The following AP3D1 variants were observed in gnomAD, a reference collection of about 807,000 sequenced individuals.
AP3D1 encodes the protein AP-3 complex subunit delta-1.
In AP3D1, 51 loss-of-function variants were observed where a neutral mutation model predicts 147.6. That is an observed-to-expected ratio of 0.35 (90% confidence interval 0.28 to 0.44). AP3D1 has a LOEUF of 0.44. Among genes scored for constraint, AP3D1 ranks in the 20% least tolerant of loss-of-function variants. AP3D1 has a pLI of 1.00. For synonymous variants in AP3D1, 760 were observed against 663.0 expected (o/e 1.15, Z -2.25); for missense variants, 1,421 against 1,624.2 (o/e 0.87, Z 2.15).
chr19:2,132,405 T>A, intron 5 of AP3D1, 66 bp downstream of exon 5: 2 of 1,446,698 alleles, frequency 1.4e-6, no homozygotes, highest in South Asian at 1.2e-5. Flanking sequence ...TTCCCAGGCA[T>A]GCCACTTTGA....
At chr19:2,109,289 C>T in intron 29 of AP3D1, 82 bp from the exon 30 acceptor site, 1 of 1,488,056 alleles carries the variant, frequency 6.7e-7, no homozygotes. Context: ...AAACCTGCCA[C>T]ACACGCTGCG....
At chr19:2,121,673 CACTT>C in intron 12 of AP3D1, 57 bp downstream of exon 12, 1 of 1,520,800 alleles carries the variant, frequency 6.6e-7, no homozygotes, top group Non-Finnish European at 8.8e-7. Context: ...CTGCACCTGA[CACTT>C]AATGTCCCTT....
At chr19:2,150,108 T>G (rs2019466088) in intron 1 of AP3D1, among the ~76,000 whole-genome samples, 1 of 152,074 alleles carries the variant, frequency 6.6e-6, no homozygotes, top group African/African-American at 2.4e-5. Context: ...CGGCAAGAGC[T>G]CGGGTTCCCA....
intron 1 of AP3D1, among the ~76,000 whole-genome samples, chr19:2,144,848 A>G (rs2019315512): frequency 1.3e-5 from 2 of 152,120 alleles, no homozygotes; most frequent in African/African-American, 2.4e-5. Flanking sequence ...GGCTGCAGTG[A>G]GCCAAGATCG....
At chr19:2,149,896 C>T (rs143948031) in intron 1 of AP3D1, among the ~76,000 whole-genome samples, 125 of 152,320 alleles carry the variant, frequency 8.2e-4, no homozygotes, top group African/African-American at 2.8e-3. Flanking sequence ...GGCCCATCAG[C>T]GATGCTTTCA....
At position 2,113,135 on chromosome 19, in the gene AP3D1, G is replaced by A; in HGVS notation, c.2680-168C>T. 4.8e-6 allele frequency: 3 copies of A among 630,120 alleles called. No individual in the cohort carries two copies. In the East Asian group the frequency reaches 8.6e-5, roughly 18 times the overall value. The allele number at this position is 630,120 out of a possible 1,614,324, so 39.0% of individuals were successfully genotyped here. ...GCCTGTGAGCACAGAGGCCCTGGCTGTCCTCCCCTTCCCCTGGCCCCTGCT... is the reference window on the plus strand; with the variant it reads ...GCCTGTGAGCACAGAGGCCCTGGCTATCCTCCCCTTCCCCTGGCCCCTGCT... On this transcript the variant is annotated intron_variant, in intron 23 of 31. Transcript: ENST00000643116.
chr19:2,131,741 TCGGCCACGATCTAGACACCTCC>T (rs1421352725), intron 5 of AP3D1, among the ~76,000 whole-genome samples: 7 of 108,712 alleles, frequency 6.4e-5, no homozygotes, highest in African/African-American at 2.9e-4. Context: ...ACCGCGCCCA[TCGGCCACGATCTAGACACCTCC>T]GGGCGGACAG....
At chr19:2,123,148 G>T (rs1472447642) in intron 11 of AP3D1, among the ~76,000 whole-genome samples, 1 of 152,260 alleles carries the variant, frequency 6.6e-6, no homozygotes. Flanking sequence ...AGAGGAGCTG[G>T]TGTTTCCCAG....
chr19:2,111,287 T>C lies in AP3D1; in HGVS notation c.2983A>G (p.Met995Val). ...SLLAENSYVK[M>V]TCDIRGSLQE... is the part of the protein sequence containing the mutation. ...CCCTGGGAGCGGCTGCCACTCACCA[T>C]TTTAACATAGGAATTTTCAGCGAGG... Residue 995 changes from methionine to valine, a missense_variant and splice_region_variant, in exon 26 of 32, where the codon ATG becomes GTG. By Grantham distance (21) the Met-to-Val change is conservative. This residue lies in a region of AP3D1 where 791 missense variants were observed against 761.4 expected (regional missense o/e 1.04). Transcript: ENST00000643116. 1 of 1,613,996 alleles carries C rather than the reference T, an allele frequency of 6.2e-7. No homozygotes were observed. Among genetic ancestry groups the C allele is most frequent in the Non-Finnish European group, 8.5e-7 (1 of 1,180,006 alleles).
At chr19:2,142,181 C>T (rs2019240652) in intron 1 of AP3D1, among the ~76,000 whole-genome samples, 1 of 151,902 alleles carries the variant, frequency 6.6e-6, no homozygotes, top group Admixed American at 6.6e-5. Context: ...CCACGCCTGG[C>T]TAATTTCTAT....
intron 5 of AP3D1, among the ~76,000 whole-genome samples, chr19:2,130,926 G>T (rs1044086968): frequency 1.3e-5 from 2 of 152,228 alleles, no homozygotes; most frequent in East Asian, 3.8e-4. Context: ...CATCTAACAG[G>T]CCCAGGGAGT....
intron 11 of AP3D1, among the ~76,000 whole-genome samples, chr19:2,122,919 G>A (rs1044355614): frequency 2.6e-5 from 4 of 152,224 alleles, no homozygotes; most frequent in Non-Finnish European, 4.4e-5. Flanking sequence ...AGAGCAGCAC[G>A]GGGGCACCCA....
At position 2,111,813 on chromosome 19, in the gene AP3D1, T is replaced by C. The variant is rs1408335308; in HGVS notation, c.2803A>G (p.Lys935Glu). 1.2e-6 allele frequency: 2 copies of C among 1,613,964 alleles called. No homozygotes were observed. Among genetic ancestry groups the C allele is most frequent in the East Asian group, 2.2e-5 (1 of 44,870 alleles). The change falls in exon 25 of 32, where the codon AAG becomes GAG. Residue 935 changes from lysine (K) to glutamate (E), a missense_variant. Coordinates refer to ENST00000643116, the MANE Select transcript of AP3D1 (RefSeq NM_001261826.3). The stretch of plus-strand genomic sequence containing the variant: ...TTCTCCTTCCTGTGCTTCTTCTTCT[T>C]AGGCTTGGGAGATTTCTGGAGCAAG... ...QDQDKKSPKP[K>E]KKKHRKEKEE...
intron 1 of AP3D1, among the ~76,000 whole-genome samples, chr19:2,158,480 G>A (rs976053852): frequency 1.3e-5 from 2 of 150,646 alleles, no homozygotes; most frequent in African/African-American, 4.9e-5. Flanking sequence ...TACTTTTTGT[G>A]TATTTTTTGT....
Position 2,151,453 on chromosome 19 carries a change from C to T in AP3D1, c.-119G>A. The T allele has an allele frequency of 1.8e-6, 1 of 553,192 alleles. No homozygotes were observed. Among genetic ancestry groups the T allele is most frequent in the Non-Finnish European group, 2.3e-6 (1 of 427,372 alleles). The allele number at this position is 553,192 out of a possible 1,614,324, so 34.3% of individuals were successfully genotyped here. A position where few individuals can be genotyped will look rare whatever the true frequency, so the allele number is the denominator to read the frequency against. On this transcript the variant is annotated 5_prime_UTR_variant, in exon 1 of 32. Coordinates refer to ENST00000643116, the MANE Select transcript of AP3D1 (RefSeq NM_001261826.3). Reference sequence around the variant, plus strand: ...CTGCCGGCCGCTGCGGCGGGGCAAGCTCCCAGGCCAGGGCGGCGGCGGGGT... The same window carrying T: ...CTGCCGGCCGCTGCGGCGGGGCAAGTTCCCAGGCCAGGGCGGCGGCGGGGT...
chr19:2,113,717 G>C (rs1226460758), intron 22 of AP3D1, among the ~76,000 whole-genome samples: 1 of 152,240 alleles, frequency 6.6e-6, no homozygotes, highest in African/African-American at 2.4e-5. Context: ...CACCTGACGT[G>C]GGTGTGGACA....
At chr19:2,133,448 T>C (rs1328404537) in intron 4 of AP3D1, 2 of 152,126 alleles carry the variant, frequency 1.3e-5, no homozygotes, top group African/African-American at 2.4e-5. Flanking sequence ...TTCATCTATA[T>C]ATGCATCTAC....
intron 1 of AP3D1, among the ~76,000 whole-genome samples, chr19:2,141,977 T>C (rs980630617): frequency 6.7e-6 from 1 of 149,834 alleles, no homozygotes; most frequent in African/African-American, 2.4e-5. Flanking sequence ...TATATACTTG[T>C]TTACATATAT....
intron 4 of AP3D1, among the ~76,000 whole-genome samples, chr19:2,136,498 T>A (rs2019080366): frequency 6.6e-6 from 1 of 152,078 alleles, no homozygotes. Flanking sequence ...ACCAAAGGTG[T>A]TCAGAGCTCG....
Sources: gnomAD v4.1 joint callset for allele counts (sites outside exome capture counted in the v4.1 genomes callset) on GRCh38, gnomAD v4.1.1 for gene constraint, gnomAD v4.1.1 regional missense constraint, MANE v1.5 for transcripts, NCBI Gene and HGNC (gene_info 2026-07-23, HGNC 2026-07-21) for gene names.